Variants in NLN observed in about 807,000 individuals in gnomAD.
NLN encodes neurolysin, mitochondrial.
In NLN, 64 loss-of-function variants were observed where a neutral mutation model predicts 79.9. That is an observed-to-expected ratio of 0.80 (90% confidence interval 0.65 to 0.99). The LOEUF (loss-of-function observed/expected upper bound fraction) is 0.99. Ranked by LOEUF, NLN falls within the 50% of genes least tolerant of loss-of-function variation. The pLI is 0.00. For synonymous variants in NLN, 267 were observed against 296.6 expected (o/e 0.90, Z 1.02); for missense variants, 835 against 858.7 (o/e 0.97, Z 0.34).
Position 65,727,525 on chromosome 5 carries a change from T to TA in NLN, c.41+5121dup, listed in dbSNP as rs562726682. Among the ~76,000 whole-genome samples, 513 of 146,044 alleles carry TA rather than the reference T, an allele frequency of 3.5e-3. 3 individuals carry two copies. The highest frequency in any genetic ancestry group is 0.01 in the African/African-American group (407 of 39,786). On this transcript the variant is annotated intron_variant, in intron 1 of 12. Transcript: ENST00000380985. ...CTAGACTAAATAATAGCTAAGGCCTTAAAAAAAAAACAAAAAGCAAAAAAC... is the reference window on the plus strand; with the variant it reads ...CTAGACTAAATAATAGCTAAGGCCTTAAAAAAAAAAACAAAAAGCAAAAAAC...
rs1759992785 is a variant in NLN at position 65,788,751 on chromosome 5, T to A, written c.1325+267T>A. On this transcript the variant is annotated intron_variant, in intron 8 of 12. Coordinates refer to ENST00000380985, the MANE Select transcript of NLN (RefSeq NM_020726.5). ...CTTTGGGAGGCCGAGGCAGGTGGAT[T>A]GCTTGAGTCTAGGACTTCAAGACCA... Among the ~76,000 whole-genome samples, 9 of 152,208 alleles carry A rather than the reference T, an allele frequency of 5.9e-5. 1 individual carries two copies. The South Asian group carries it at 1.9e-3, about 32-fold the overall frequency.
chr5:65,778,670 C>T (rs1027269540), intron 4 of NLN, among the ~76,000 whole-genome samples: 1 of 152,162 alleles, frequency 6.6e-6, no homozygotes, highest in African/African-American at 2.4e-5. Flanking sequence ...GGTCGGTGAG[C>T]TGCATGGGTT....
chr5:65,750,745 G>A (rs925747950), intron 1 of NLN, among the ~76,000 whole-genome samples: 17 of 149,768 alleles, frequency 1.1e-4, no homozygotes, highest in African/African-American at 1.5e-4. Flanking sequence ...GAGAGAGAGA[G>A]AAAAATAAAG....
intron 3 of NLN, among the ~76,000 whole-genome samples, chr5:65,768,104 T>C: frequency 6.6e-6 from 1 of 152,238 alleles, no homozygotes; most frequent in East Asian, 1.9e-4. Context: ...TTCCAACCTC[T>C]GCCCTTGACC....
intron 1 of NLN, among the ~76,000 whole-genome samples, chr5:65,749,043 C>T (rs781673972): frequency 1.3e-5 from 2 of 152,220 alleles, no homozygotes; most frequent in Non-Finnish European, 2.9e-5. Flanking sequence ...CAGCTCCCTG[C>T]ACATGCTCTC....
chr5:65,785,446 G>T (rs879645202), intron 6 of NLN, among the ~76,000 whole-genome samples: 3 of 152,026 alleles, frequency 2.0e-5, no homozygotes, highest in Admixed American at 1.3e-4. Context: ...ACCAATATTT[G>T]GTGCAGTTCT....
intron 1 of NLN, among the ~76,000 whole-genome samples, chr5:65,738,068 G>A (rs114726967): frequency 0.016 from 2,426 of 151,510 alleles, 72 homozygotes; most frequent in African/African-American, 0.055. Context: ...GGCGGAGGTT[G>A]CAGTGAGCCA....
chr5:65,810,188 G>T lies in NLN; in HGVS notation c.1843+23G>T, dbSNP rs149634188. 2.5e-6 allele frequency: 4 copies of T among 1,609,882 alleles called. No individual in the cohort carries two copies. The East Asian group carries it at 8.9e-5, about 36-fold the overall frequency. On this transcript the variant is annotated intron_variant, in intron 11 of 12. Coordinates refer to ENST00000380985, the MANE Select transcript of NLN (RefSeq NM_020726.5). ...CAGGTATGTAACTACTATGAATTGA[G>T]TTCATTTCTCTGTGAAGCACAGGGC...
chr5:65,805,196 C>T (rs182188786), intron 9 of NLN, among the ~76,000 whole-genome samples: 1 of 152,314 alleles, frequency 6.6e-6, no homozygotes, highest in African/African-American at 2.4e-5. Flanking sequence ...GGCCTCCTAT[C>T]TGAGACTCAA....
At position 65,810,293 on chromosome 5, in the gene NLN, A is replaced by T. The variant is rs1215671957; in HGVS notation, c.1843+128A>T. On this transcript the variant is annotated intron_variant, in intron 11 of 12. Transcript: ENST00000380985. ...TTCTGATTTCTGTAATCAGGCCATG[A>T]CTTTCAGATAAGCATACTATGTCCT... 1.0e-5 allele frequency: 8 copies of T among 801,758 alleles called. No homozygotes were observed. In the Admixed American group the frequency reaches 1.8e-4, roughly 18 times the overall value. 49.7% of individuals were successfully genotyped at this position (801,758 alleles called of 1,614,324 possible).
intron 11 of NLN, among the ~76,000 whole-genome samples, chr5:65,810,877 C>T (rs1760529453): frequency 6.6e-6 from 1 of 152,066 alleles, no homozygotes; most frequent in Non-Finnish European, 1.5e-5. Context: ...ACCCAGGGGG[C>T]TGAGTTGAGA....
At chr5:65,778,800 T>C (rs1759734500) in intron 4 of NLN, among the ~76,000 whole-genome samples, 1 of 152,130 alleles carries the variant, frequency 6.6e-6, no homozygotes, top group Admixed American at 6.6e-5. Context: ...AAAATGGCTA[T>C]AAATCTAAAA....
At chr5:65,763,864 T>C (rs1275538585) in intron 3 of NLN, among the ~76,000 whole-genome samples, 1 of 152,182 alleles carries the variant, frequency 6.6e-6, no homozygotes, top group Non-Finnish European at 1.5e-5. Flanking sequence ...ATGTAAAATG[T>C]ATATCCTATT....
At chr5:65,725,487 A>G (rs1483842821) in intron 1 of NLN, among the ~76,000 whole-genome samples, 1 of 152,188 alleles carries the variant, frequency 6.6e-6, no homozygotes, top group Non-Finnish European at 1.5e-5. Flanking sequence ...AGTCCTTCGG[A>G]AATTTTAGTG....
intron 1 of NLN, among the ~76,000 whole-genome samples, chr5:65,735,163 T>G (rs1359309226): frequency 1.3e-5 from 2 of 152,108 alleles, no homozygotes; most frequent in Non-Finnish European, 2.9e-5. Flanking sequence ...CACTTCTCCT[T>G]CCTGCCACCA....
chr5:65,787,219 ACT>A (rs376220112), intron 7 of NLN, among the ~76,000 whole-genome samples: 3 of 140,968 alleles, frequency 2.1e-5, no homozygotes, highest in South Asian at 2.3e-4. Context: ...AAACTCACTC[ACT>A]CTCTCTCTCT....
intron 1 of NLN, chr5:65,723,033 C>CT (rs1758355278): frequency 6.6e-6 from 1 of 152,286 alleles, no homozygotes; most frequent in Non-Finnish European, 1.5e-5. Context: ...TTTTGGATTG[C>CT]TTCCTAGCCC....
chr5:65,803,066 C>T (rs2150770283), intron 9 of NLN, among the ~76,000 whole-genome samples: 1 of 152,280 alleles, frequency 6.6e-6, no homozygotes, highest in East Asian at 1.9e-4. Context: ...CTGGCTGAGT[C>T]CAGTGTTTTT....
rs557865360 is a variant in NLN at position 65,775,621 on chromosome 5, C to A, written c.451-1806C>A. Among the ~76,000 whole-genome samples, 18 of 152,170 alleles carry A rather than the reference C, an allele frequency of 1.2e-4. 1 individual carries two copies. The East Asian group carries it at 2.5e-3, about 21-fold the overall frequency. On this transcript the variant is annotated intron_variant, in intron 3 of 12. Coordinates refer to ENST00000380985, the MANE Select transcript of NLN (RefSeq NM_020726.5). Reference sequence around the variant, plus strand: ...TCACACTACAGGACAGACTTCCTGGCGCTACTAAAGGCAGCCTAGATCAAC... The same window carrying A: ...TCACACTACAGGACAGACTTCCTGGAGCTACTAAAGGCAGCCTAGATCAAC...
Sources: gnomAD v4.1 joint callset for allele counts (sites outside exome capture counted in the v4.1 genomes callset) on GRCh38, gnomAD v4.1.1 for gene constraint, MANE v1.5 for transcripts, NCBI Gene and HGNC (gene_info 2026-07-23, HGNC 2026-07-21) for gene names.